The following MTREX variants were observed in gnomAD, a reference collection of about 807,000 sequenced individuals.
MTREX encodes the protein exosome RNA helicase MTR4.
Under a neutral mutation model 135.4 loss-of-function variants are expected in MTREX, and 76 were observed. That is an observed-to-expected ratio of 0.56 (90% CI 0.47 to 0.68). The LOEUF is 0.68. Among genes scored for constraint, MTREX ranks in the 30% least tolerant of loss-of-function variants. The probability of loss-of-function intolerance (pLI) is 0.00; values close to 1 mark genes in which losing one functional copy is unlikely to be tolerated. For synonymous variants in MTREX, 404 were observed against 401.6 expected, an observed-to-expected ratio of 1.01 and a Z score of -0.07; for missense variants, 920 against 1,262.1, an observed-to-expected ratio of 0.73 and a Z score of 4.11.
chr5:55,425,414 GATAAAT>G lies in MTREX; in HGVS notation c.*648_*653del, dbSNP rs1395922011. 4 of 1,294,158 alleles carry G rather than the reference GATAAAT, an allele frequency of 3.1e-6. No individual in the cohort carries two copies. The highest frequency in any genetic ancestry group is 1.5e-5 in the African/African-American group (1 of 66,824). The allele number at this position is 1,294,158 out of a possible 1,614,324, so 80.2% of individuals were successfully genotyped here. On this transcript the variant is annotated 3_prime_UTR_variant, in exon 27 of 27. Transcript: ENST00000230640. ...AAAGTTGTGATCAACAGCATCCTAAGATAAATATAAACAAAAGGATATACTTTGAGG... is the reference window on the plus strand; with the variant it reads ...AAAGTTGTGATCAACAGCATCCTAAGATAAACAAAAGGATATACTTTGAGG...
chr5:55,376,932 A>T (rs1427773069), intron 16 of MTREX, among the ~76,000 whole-genome samples: 1 of 152,022 alleles, frequency 6.6e-6, no homozygotes. Flanking sequence ...TTAGCTGGGC[A>T]TGGTGTGGCA....
intron 10 of MTREX, among the ~76,000 whole-genome samples, chr5:55,345,664 ATTT>A (rs553778793): frequency 1.5e-5 from 2 of 132,852 alleles, no homozygotes; most frequent in Non-Finnish European, 3.3e-5. Context: ...GTTACTTTTA[ATTT>A]TTTTTTTTTT....
chr5:55,331,899 A>G (rs1022608192), intron 5 of MTREX, among the ~76,000 whole-genome samples: 13 of 151,850 alleles, frequency 8.6e-5, no homozygotes, highest in African/African-American at 2.4e-4. Flanking sequence ...ATTTTGTGCT[A>G]TTTATCATTG....
At chr5:55,357,954 A>T (rs183995219) in intron 14 of MTREX, among the ~76,000 whole-genome samples, 1 of 152,234 alleles carries the variant, frequency 6.6e-6, no homozygotes, top group African/African-American at 2.4e-5. Context: ...AGCATGAATT[A>T]TAGTCATCTC....
intron 3 of MTREX, among the ~76,000 whole-genome samples, chr5:55,327,229 G>A (rs1749397895): frequency 6.6e-6 from 1 of 152,142 alleles, no homozygotes; most frequent in East Asian, 1.9e-4. Context: ...GGGATCCTGG[G>A]TCAAATGGTA....
At chr5:55,368,445 A>C (rs998493079) in intron 16 of MTREX, among the ~76,000 whole-genome samples, 1 of 152,164 alleles carries the variant, frequency 6.6e-6, no homozygotes, top group Non-Finnish European at 1.5e-5. Flanking sequence ...GCGAGACTCC[A>C]TCTCAAAAAA....
chr5:55,343,936 A>G (rs1749691011), intron 8 of MTREX, among the ~76,000 whole-genome samples: 1 of 152,120 alleles, frequency 6.6e-6, no homozygotes, highest in Non-Finnish European at 1.5e-5. Context: ...TGCTTGTAAT[A>G]GGCATTTGTT....
At chr5:55,368,020 T>C (rs1172759654) in intron 16 of MTREX, among the ~76,000 whole-genome samples, 1 of 152,250 alleles carries the variant, frequency 6.6e-6, no homozygotes, top group Non-Finnish European at 1.5e-5. Context: ...AGGCAAAATT[T>C]AGATGTGGAG....
At chr5:55,316,642 AT>A (rs1331142457) in intron 1 of MTREX, among the ~76,000 whole-genome samples, 3 of 152,164 alleles carry the variant, frequency 2.0e-5, no homozygotes, top group Non-Finnish European at 2.9e-5. Flanking sequence ...CCTCAATATA[AT>A]AGAGCCATCT....
chr5:55,374,239 G>A (rs866132446), intron 16 of MTREX, among the ~76,000 whole-genome samples: 8 of 149,260 alleles, frequency 5.4e-5, no homozygotes, highest in African/African-American at 1.5e-4. Context: ...CCTGGGCAAC[G>A]GAGCAAGACT....
chr5:55,379,073 T>C, intron 17 of MTREX, 54 bp from the exon 18 acceptor site: 2 of 1,250,608 alleles, frequency 1.6e-6, no homozygotes, highest in Non-Finnish European at 2.3e-6. Context: ...AAGGCTGAAA[T>C]TGCCTTGTAG....
chr5:55,337,039 ATTTCTTTGTGGGAAGATT>A (rs1159448635), intron 5 of MTREX, among the ~76,000 whole-genome samples: 1 of 152,198 alleles, frequency 6.6e-6, no homozygotes, highest in African/African-American at 2.4e-5. Context: ...AAGCCTAGGC[ATTTCTTTGTGGGAAGATT>A]TTTAATTCCT....
chr5:55,368,088 T>C (rs764698093), intron 16 of MTREX, among the ~76,000 whole-genome samples: 15 of 152,240 alleles, frequency 9.9e-5, no homozygotes, highest in Non-Finnish European at 2.1e-4. Flanking sequence ...ATTTGTTAAA[T>C]ATTTACCTTA....
At chr5:55,344,029 T>G (rs1172592526) in intron 8 of MTREX, among the ~76,000 whole-genome samples, 1 of 152,210 alleles carries the variant, frequency 6.6e-6, no homozygotes, top group African/African-American at 2.4e-5. Context: ...CTTATCTGTT[T>G]ATAAGCTCCC....
At chr5:55,320,375 C>T (rs1579846550) in intron 1 of MTREX, among the ~76,000 whole-genome samples, 1 of 152,000 alleles carries the variant, frequency 6.6e-6, no homozygotes, top group African/African-American at 2.4e-5. Flanking sequence ...CCACCACACC[C>T]GGCTAATTTT....
intron 14 of MTREX, among the ~76,000 whole-genome samples, chr5:55,358,050 G>A (rs536059616): frequency 6.6e-6 from 1 of 152,318 alleles, no homozygotes; most frequent in Admixed American, 6.5e-5. Flanking sequence ...AGATTTTGCT[G>A]TTTTCGCTGG....
chr5:55,343,302 A>G (rs747494448), intron 7 of MTREX, 29 bp from the exon 8 acceptor site: 3 of 1,576,686 alleles, frequency 1.9e-6, no homozygotes, highest in Admixed American at 3.7e-5. Context: ...GTCCAACTAT[A>G]GTCCAAAGTA....
Position 55,388,012 on chromosome 5 carries a change from A to G in MTREX, c.2091A>G (p.Glu697=). ...SGELDPLYVV[E]VLLRCSKESL... is the part of the protein sequence containing the mutation. Reference sequence around the variant, plus strand: ...AACTGGATCCTTTGTATGTAGTAGAAGTACTTCTGCGCTGTAGCAAAGAGA... The same window carrying G: ...AACTGGATCCTTTGTATGTAGTAGAGGTACTTCTGCGCTGTAGCAAAGAGA... Residue 697 remains glutamate (E), a synonymous_variant, in exon 19 of 27, where the codon GAA becomes GAG. Transcript: ENST00000230640. 2 of 1,605,606 alleles carry G rather than the reference A, an allele frequency of 1.2e-6. No homozygotes were observed. The highest frequency in any genetic ancestry group is 1.3e-5 in the African/African-American group (1 of 74,926).
chr5:55,372,892 A>G (rs866756529), intron 16 of MTREX, among the ~76,000 whole-genome samples: 166 of 120,990 alleles, frequency 1.4e-3, no homozygotes, highest in Middle Eastern at 4.0e-3. Context: ...TAAAACTGTA[A>G]TGTGTGTGTG....
Sources: allele counts gnomAD v4.1 joint callset (sites outside exome capture counted in the v4.1 genomes callset), GRCh38; gene constraint gnomAD v4.1.1; transcripts MANE v1.5; gene names NCBI Gene and HGNC (gene_info 2026-07-23, HGNC 2026-07-21).